The following NTM variants were observed in gnomAD, a reference collection of about 807,000 sequenced individuals.
NTM encodes IgLON family member 2.
In NTM, 13 loss-of-function variants were observed where a neutral mutation model predicts 42.1. That is an observed-to-expected ratio of 0.31 (90% CI 0.20 to 0.49). The LOEUF (loss-of-function observed/expected upper bound fraction) is 0.49, where lower values mean the gene tolerates loss of function less well. Among genes scored for constraint, NTM ranks in the 20% least tolerant of loss-of-function variants. NTM has a pLI of 0.99. For synonymous variants in NTM, 187 were observed against 179.2 expected (o/e 1.04, Z -0.35); for missense variants, 373 against 452.8 (o/e 0.82, Z 1.60).
chr11:131,510,878 G>C (rs115547519), intron 1 of NTM, among the ~76,000 whole-genome samples: 1 of 152,182 alleles, frequency 6.6e-6, no homozygotes, highest in East Asian at 1.9e-4. Context: ...CCCCTGGGCC[G>C]TGGGAAGAGC....
intron 1 of NTM, among the ~76,000 whole-genome samples, chr11:131,768,396 G>T (rs939463748): frequency 6.6e-6 from 1 of 152,150 alleles, no homozygotes; most frequent in Non-Finnish European, 1.5e-5. Context: ...GGGATTACAG[G>T]CGTGAGCCAC....
chr11:131,919,820 G>T (rs1186215369), intron 2 of NTM, among the ~76,000 whole-genome samples: 1 of 151,864 alleles, frequency 6.6e-6, no homozygotes, highest in Non-Finnish European at 1.5e-5. Flanking sequence ...ATAAACTATT[G>T]TAGCTTAAAC....
At chr11:131,609,786 C>T (rs1050626536) in intron 1 of NTM, among the ~76,000 whole-genome samples, 1 of 152,174 alleles carries the variant, frequency 6.6e-6, no homozygotes, top group African/African-American at 2.4e-5. Context: ...CTACCCAGTC[C>T]CTAGTTCACT....
intron 1 of NTM, among the ~76,000 whole-genome samples, chr11:131,548,320 A>G (rs2054206716): frequency 6.6e-6 from 1 of 152,118 alleles, no homozygotes; most frequent in African/African-American, 2.4e-5. Context: ...CAGGAAAAAA[A>G]CATCCCCCAG....
At chr11:131,968,882 C>T (rs914472400) in intron 2 of NTM, among the ~76,000 whole-genome samples, 10 of 152,188 alleles carry the variant, frequency 6.6e-5, no homozygotes, top group African/African-American at 1.9e-4. Context: ...TTTTCTCTTA[C>T]TGCACTTTGG....
Position 131,479,359 on chromosome 11 carries a change from G to C in NTM, c.82+108471G>C, listed in dbSNP as rs113199569. Among the ~76,000 whole-genome samples, 1,132 of 152,320 alleles carry C rather than the reference G, an allele frequency of 7.4e-3. 11 individuals carry two copies. Among genetic ancestry groups the C allele is most frequent in the Non-Finnish European group, 0.013 (898 of 68,022 alleles). Reference sequence around the variant, plus strand: ...GAACCACATGTATAAAATTTGAGAAGGGTGGGAGAGAGCATGAGAGGTTCG... The same window carrying C: ...GAACCACATGTATAAAATTTGAGAACGGTGGGAGAGAGCATGAGAGGTTCG... On this transcript the variant is annotated intron_variant, in intron 1 of 8. Transcript: ENST00000683400.
At chr11:131,932,180 A>G (rs1406799775) in intron 2 of NTM, among the ~76,000 whole-genome samples, 2 of 152,228 alleles carry the variant, frequency 1.3e-5, no homozygotes, top group Non-Finnish European at 2.9e-5. Context: ...CTGTCCTCAC[A>G]GCACTTCCCT....
At chr11:132,317,738 C>A (rs569561322) in intron 7 of NTM, 40 of 1,142,060 alleles carry the variant, frequency 3.5e-5, no homozygotes, top group Non-Finnish European at 4.3e-5. Context: ...CCCTCTATCC[C>A]AGAGGCCCCC....
intron 2 of NTM, among the ~76,000 whole-genome samples, chr11:132,133,994 C>G (rs1418031063): frequency 6.6e-6 from 1 of 152,170 alleles, no homozygotes; most frequent in Non-Finnish European, 1.5e-5. Flanking sequence ...GAGCCACACC[C>G]AAATCTTTAT....
intron 1 of NTM, among the ~76,000 whole-genome samples, chr11:131,523,818 G>C (rs1227320901): frequency 6.8e-6 from 1 of 147,222 alleles, no homozygotes; most frequent in Non-Finnish European, 1.5e-5. Flanking sequence ...ATAAGAAGAA[G>C]AAAAGGAAGG....
chr11:131,769,778 A>C (rs2085743573), intron 1 of NTM: 1 of 154,064 alleles, frequency 6.5e-6, no homozygotes, highest in African/African-American at 2.4e-5. Context: ...CCTTGAGGGA[A>C]GGCTTGAGGA....
At chr11:131,788,580 T>C (rs2089648374) in intron 1 of NTM, among the ~76,000 whole-genome samples, 1 of 152,218 alleles carries the variant, frequency 6.6e-6, no homozygotes, top group African/African-American at 2.4e-5. Flanking sequence ...TTTCTCTCTA[T>C]TGTTTGAAAA....
At chr11:131,956,463 T>C (rs1457696025) in intron 2 of NTM, among the ~76,000 whole-genome samples, 2 of 152,122 alleles carry the variant, frequency 1.3e-5, no homozygotes, top group Non-Finnish European at 2.9e-5. Context: ...GTTAGGATAC[T>C]TTAGCATTAC....
At chr11:131,891,461 C>T (rs1269385663) in intron 1 of NTM, among the ~76,000 whole-genome samples, 1 of 152,152 alleles carries the variant, frequency 6.6e-6, no homozygotes, top group Non-Finnish European at 1.5e-5. Context: ...GGTGACTTGA[C>T]TTCCAAAAAA....
chr11:131,468,785 G>C (rs143736615), intron 1 of NTM, among the ~76,000 whole-genome samples: 329 of 152,330 alleles, frequency 2.2e-3, no homozygotes, highest in African/African-American at 7.7e-3. Context: ...GGAGGTGCAA[G>C]CAGCTTTTTC....
intron 2 of NTM, among the ~76,000 whole-genome samples, chr11:131,969,757 C>T (rs1335428889): frequency 2.0e-5 from 3 of 152,240 alleles, no homozygotes; most frequent in Non-Finnish European, 4.4e-5. Context: ...CCCAGGCAAC[C>T]TGCTCCTCTT....
At chr11:132,120,756 A>G (rs1473735129) in intron 2 of NTM, among the ~76,000 whole-genome samples, 1 of 152,188 alleles carries the variant, frequency 6.6e-6, no homozygotes, top group Non-Finnish European at 1.5e-5. Flanking sequence ...GCAAGAAAAG[A>G]GAGCTTAGCG....
intron 1 of NTM, among the ~76,000 whole-genome samples, chr11:131,492,579 C>T (rs1307191643): frequency 6.6e-5 from 10 of 152,142 alleles, no homozygotes; most frequent in South Asian, 2.1e-4. Context: ...GCCATGGCCC[C>T]GGTCTACCTG....
chr11:131,746,688 C>T (rs1051775860), intron 1 of NTM, among the ~76,000 whole-genome samples: 1 of 152,042 alleles, frequency 6.6e-6, no homozygotes, highest in Non-Finnish European at 1.5e-5. Context: ...CTTTATCTTC[C>T]AAGGAGCTCA....
Sources: gnomAD v4.1 joint callset for allele counts (sites outside exome capture counted in the v4.1 genomes callset) on GRCh38, gnomAD v4.1.1 for gene constraint, MANE v1.5 for transcripts, NCBI Gene and HGNC (gene_info 2026-07-23, HGNC 2026-07-21) for gene names.